Variants in CADM2 observed in about 807,000 individuals in gnomAD.
The protein encoded by CADM2 is immunoglobulin superfamily member 4D.
A neutral mutation model predicts 49.8 loss-of-function variants in CADM2; 12 were observed. That is an observed-to-expected ratio of 0.24 (90% CI 0.15 to 0.39). CADM2 has a LOEUF of 0.39. Ranked by LOEUF, CADM2 falls within the 10% of genes least tolerant of loss-of-function variation. The pLI, the probability that CADM2 is intolerant of heterozygous loss-of-function variation, is 1.00. For missense variants in CADM2, 378 were observed against 492.3 expected (o/e 0.77, Z 2.20); for synonymous variants, 214 against 175.4 (o/e 1.22, Z -1.74).
At chr3:85,799,603 G>T (rs2071867254) in intron 2 of CADM2, among the ~76,000 whole-genome samples, 1 of 152,196 alleles carries the variant, frequency 6.6e-6, no homozygotes, top group South Asian at 2.1e-4. Flanking sequence ...AACCAGACTT[G>T]CATCCCCAGG....
chr3:85,725,811 A>G (rs1404004886), intron 1 of CADM2, among the ~76,000 whole-genome samples: 1 of 152,050 alleles, frequency 6.6e-6, no homozygotes, highest in Non-Finnish European at 1.5e-5. Flanking sequence ...AGTGAATCAT[A>G]TAATTTTTAT....
chr3:85,374,536 A>G (rs996692840), intron 1 of CADM2, among the ~76,000 whole-genome samples: 2 of 152,172 alleles, frequency 1.3e-5, no homozygotes, highest in African/African-American at 4.8e-5. Flanking sequence ...TCATAATGGC[A>G]GTACCCCATC....
intron 1 of CADM2, among the ~76,000 whole-genome samples, chr3:85,468,683 G>A (rs769799109): frequency 3.9e-5 from 6 of 152,158 alleles, no homozygotes; most frequent in Admixed American, 2.6e-4. Context: ...TTCACTCAAA[G>A]TCACAGTTTC....
chr3:85,145,451 G>A lies in CADM2; in HGVS notation c.61+185783G>A, dbSNP rs11926791. Among the ~76,000 whole-genome samples the A allele has an allele frequency of 5.4e-3, 822 of 151,630 alleles. 7 individuals carry two copies. The highest frequency in any genetic ancestry group is 0.019 in the African/African-American group (788 of 41,388). ...ATTTTCTGTCTCCTGGTGTCCCTGT[G>A]TAGAACTAAATCACAGTCTTATATT... On this transcript the variant is annotated intron_variant, in intron 1 of 9. Coordinates refer to ENST00000383699, the MANE Select transcript of CADM2 (RefSeq NM_001167675.2).
chr3:85,750,153 A>G (rs973909262), intron 2 of CADM2, among the ~76,000 whole-genome samples: 2 of 152,014 alleles, frequency 1.3e-5, no homozygotes, highest in African/African-American at 4.8e-5. Context: ...TCTGTTTAAT[A>G]TCAAAAGTTC....
chr3:85,614,045 T>C (rs1470982719), intron 1 of CADM2, among the ~76,000 whole-genome samples: 1 of 151,712 alleles, frequency 6.6e-6, no homozygotes, highest in Non-Finnish European at 1.5e-5. Flanking sequence ...AGAATGTTTG[T>C]TGCAAAATTA....
intron 1 of CADM2, among the ~76,000 whole-genome samples, chr3:85,603,544 T>G (rs1273600921): frequency 1.3e-5 from 2 of 151,848 alleles, no homozygotes; most frequent in Non-Finnish European, 2.9e-5. Context: ...GAACTAAACA[T>G]TCTTTTTTTT....
chr3:85,628,908 A>G (rs1576970237), intron 1 of CADM2, among the ~76,000 whole-genome samples: 1 of 151,530 alleles, frequency 6.6e-6, no homozygotes, highest in Non-Finnish European at 1.5e-5. Context: ...TTGAGGTGGT[A>G]TATGTTTAAT....
intron 1 of CADM2, among the ~76,000 whole-genome samples, chr3:85,263,354 A>G (rs907126649): frequency 6.6e-6 from 1 of 152,102 alleles, no homozygotes; most frequent in Non-Finnish European, 1.5e-5. Context: ...AAACACACAC[A>G]CATACACATA....
chr3:86,037,255 A>T (rs1735279065), intron 8 of CADM2, among the ~76,000 whole-genome samples: 1 of 152,184 alleles, frequency 6.6e-6, no homozygotes, highest in African/African-American at 2.4e-5. Flanking sequence ...TACTTTTGTT[A>T]AGCACAAATG....
chr3:85,648,574 C>A (rs1373777531), intron 1 of CADM2, among the ~76,000 whole-genome samples: 1 of 151,888 alleles, frequency 6.6e-6, no homozygotes, highest in Non-Finnish European at 1.5e-5. Flanking sequence ...TGTTTAAAAT[C>A]ATTTATTATG....
chr3:85,209,456 C>T (rs1219612456), intron 1 of CADM2, among the ~76,000 whole-genome samples: 2 of 151,998 alleles, frequency 1.3e-5, no homozygotes, highest in African/African-American at 4.8e-5. Flanking sequence ...GAAGCCCAAG[C>T]CTTTTCCATT....
At chr3:85,485,225 A>AAT (rs1454497439) in intron 1 of CADM2, among the ~76,000 whole-genome samples, 2 of 151,958 alleles carry the variant, frequency 1.3e-5, no homozygotes, top group Non-Finnish European at 1.5e-5. Context: ...TTTATTCACC[A>AAT]ATATAAATTC....
chr3:85,255,546 A>G (rs1231961605), intron 1 of CADM2, among the ~76,000 whole-genome samples: 10 of 152,086 alleles, frequency 6.6e-5, no homozygotes, highest in Non-Finnish European at 1.3e-4. Flanking sequence ...TTTCTGTAAA[A>G]AAAAAAGTGA....
intron 1 of CADM2, among the ~76,000 whole-genome samples, chr3:85,639,501 A>G (rs1014345753): frequency 1.3e-5 from 2 of 151,926 alleles, no homozygotes; most frequent in Non-Finnish European, 2.9e-5. Context: ...AGTTCAGTCA[A>G]CTCGTAGAAT....
At chr3:85,919,842 G>T (rs1173769678) in intron 6 of CADM2, among the ~76,000 whole-genome samples, 1 of 151,770 alleles carries the variant, frequency 6.6e-6, no homozygotes, top group African/African-American at 2.4e-5. Flanking sequence ...CAATGAAATT[G>T]ATTTAAAATA....
intron 1 of CADM2, among the ~76,000 whole-genome samples, chr3:85,641,448 T>G (rs749085162): frequency 3.7e-4 from 56 of 152,296 alleles, no homozygotes; most frequent in Non-Finnish European, 6.9e-4. Context: ...AGCTGGACAT[T>G]TTAAAATAAG....
intron 1 of CADM2, among the ~76,000 whole-genome samples, chr3:85,585,516 C>T (rs931382561): frequency 6.6e-6 from 1 of 151,712 alleles, no homozygotes; most frequent in South Asian, 2.1e-4. Flanking sequence ...TTTGCTGTTT[C>T]ATCTCGAATT....
intron 1 of CADM2, among the ~76,000 whole-genome samples, chr3:85,121,498 C>T (rs774951221): frequency 1.3e-5 from 2 of 152,088 alleles, no homozygotes; most frequent in Admixed American, 6.6e-5. Flanking sequence ...GAGAATATGG[C>T]GAGGCTTGGA....
Sources: gnomAD v4.1 joint callset for allele counts (sites outside exome capture counted in the v4.1 genomes callset) on GRCh38, gnomAD v4.1.1 for gene constraint, MANE v1.5 for transcripts, NCBI Gene and HGNC (gene_info 2026-07-23, HGNC 2026-07-21) for gene names.